The following BABAM2 variants were observed in gnomAD, a reference collection of about 807,000 sequenced individuals.
BABAM2 encodes the protein BRISC and BRCA1 A complex member 2.
In BABAM2, 31 loss-of-function variants were observed where a neutral mutation model predicts 54.7. The observed-to-expected ratio is 0.57, with a 90% confidence interval of 0.43 to 0.77. The LOEUF is 0.77. BABAM2 is among the 30% of genes least tolerant of loss of function. The pLI, the probability that BABAM2 is intolerant of heterozygous loss-of-function variation, is 0.00. For synonymous variants in BABAM2, 167 were observed against 162.9 expected (o/e 1.03, Z -0.19); for missense variants, 364 against 455.8 (o/e 0.80, Z 1.83).
Position 28,282,781 on chromosome 2 carries a change from C to T in BABAM2, c.935-15557C>T, listed in dbSNP as rs145571584. 3.3e-3 allele frequency among the ~76,000 whole-genome samples: 508 copies of T among 151,998 alleles called. 4 individuals are homozygous for T. Among genetic ancestry groups the T allele is most frequent in the African/African-American group, 0.011 (470 of 41,438 alleles). ...TTGGGAGGCCGAGGTGGGCGAATCA[C>T]GAGGTCAGGAGTTCAAGACCAGCCT... On this transcript the variant is annotated intron_variant, in intron 10 of 11. Coordinates refer to ENST00000379624, the MANE Select transcript of BABAM2 (RefSeq NM_199191.3).
chr2:28,188,731 A>G (rs900028986), intron 7 of BABAM2, among the ~76,000 whole-genome samples: 7 of 152,170 alleles, frequency 4.6e-5, no homozygotes, highest in African/African-American at 1.7e-4. Flanking sequence ...ATGAGCTCCC[A>G]AAGGACAAGG....
chr2:28,012,576 A>G (rs1674472793), intron 4 of BABAM2, among the ~76,000 whole-genome samples: 1 of 152,204 alleles, frequency 6.6e-6, no homozygotes, highest in Non-Finnish European at 1.5e-5. Flanking sequence ...TTGTGAGGAT[A>G]AAGACAACAC....
At chr2:28,308,636 A>G (rs1688774480) in intron 11 of BABAM2, 2 of 341,630 alleles carry the variant, frequency 5.9e-6, no homozygotes, top group Non-Finnish European at 1.1e-5. Flanking sequence ...ATTTAAAACC[A>G]AAACAAAAGC....
At chr2:28,289,600 C>A (rs1687107960) in intron 10 of BABAM2, among the ~76,000 whole-genome samples, 1 of 152,100 alleles carries the variant, frequency 6.6e-6, no homozygotes, top group Non-Finnish European at 1.5e-5. Context: ...ACCAGCCTGG[C>A]CAACATGGTG....
intron 10 of BABAM2, among the ~76,000 whole-genome samples, chr2:28,281,607 T>C (rs139481276): frequency 6.6e-6 from 1 of 152,274 alleles, no homozygotes; most frequent in African/African-American, 2.4e-5. Context: ...AATCTGATGG[T>C]GAATGGGGAG....
At chr2:28,011,831 A>AG (rs1462936213) in intron 4 of BABAM2, among the ~76,000 whole-genome samples, 3 of 151,634 alleles carry the variant, frequency 2.0e-5, no homozygotes, top group Non-Finnish European at 4.4e-5. Context: ...TGAGACAGGA[A>AG]AATGTTACTA....
chr2:28,008,715 TC>T (rs769334116), intron 4 of BABAM2, among the ~76,000 whole-genome samples: 10 of 152,030 alleles, frequency 6.6e-5, no homozygotes, highest in Non-Finnish European at 1.2e-4. Flanking sequence ...TTTGGCACTT[TC>T]CCCCCAGGGC....
chr2:27,889,993 G>C (rs1294877895), upstream of BABAM2: 1 of 371,368 alleles, frequency 2.7e-6, no homozygotes. Flanking sequence ...TTGGAGGGCA[G>C]GTCTTTGGGG....
At chr2:28,035,011 T>C (rs1558675380) in intron 5 of BABAM2, among the ~76,000 whole-genome samples, 1 of 152,280 alleles carries the variant, frequency 6.6e-6, no homozygotes, top group East Asian at 1.9e-4. Flanking sequence ...GAAATGTGGC[T>C]AGTCTGAACT....
intron 2 of BABAM2, among the ~76,000 whole-genome samples, chr2:27,909,972 C>A (rs1355514857): frequency 1.3e-5 from 2 of 152,092 alleles, no homozygotes; most frequent in African/African-American, 2.4e-5. Flanking sequence ...TGCATATAAT[C>A]CTTCTAATAA....
chr2:27,930,986 G>C (rs1280216038), intron 3 of BABAM2, among the ~76,000 whole-genome samples: 1 of 152,190 alleles, frequency 6.6e-6, no homozygotes, highest in African/African-American at 2.4e-5. Context: ...CATTGGACCA[G>C]TGTGTTTTAC....
At chr2:28,114,678 G>A (rs1668454991) in intron 6 of BABAM2, among the ~76,000 whole-genome samples, 1 of 152,132 alleles carries the variant, frequency 6.6e-6, no homozygotes, top group Non-Finnish European at 1.5e-5. Context: ...GAAGTTTATT[G>A]GCTCTAGTTT....
chr2:28,109,378 C>T (rs1364131487), intron 6 of BABAM2, among the ~76,000 whole-genome samples: 1 of 151,834 alleles, frequency 6.6e-6, no homozygotes, highest in Non-Finnish European at 1.5e-5. Context: ...TTAGTAGAGA[C>T]AGGGTTTCAC....
chr2:27,933,491 G>GTA (rs1447887920), intron 3 of BABAM2, among the ~76,000 whole-genome samples: 1 of 151,206 alleles, frequency 6.6e-6, no homozygotes, highest in East Asian at 1.9e-4. Flanking sequence ...ATGTATATAT[G>GTA]TATATATATA....
At chr2:28,331,454 G>T (rs1377810590) in intron 11 of BABAM2, among the ~76,000 whole-genome samples, 1 of 151,416 alleles carries the variant, frequency 6.6e-6, no homozygotes, top group Non-Finnish European at 1.5e-5. Flanking sequence ...AATCTACAAG[G>T]AACTTAAACA....
chr2:28,009,469 A>G (rs1674234447), intron 4 of BABAM2, among the ~76,000 whole-genome samples: 1 of 152,172 alleles, frequency 6.6e-6, no homozygotes, highest in South Asian at 2.1e-4. Flanking sequence ...AGTCTGTTTG[A>G]CGATGAGTTG....
At chr2:28,267,188 A>G (rs944167503) in intron 10 of BABAM2, among the ~76,000 whole-genome samples, 1 of 152,176 alleles carries the variant, frequency 6.6e-6, no homozygotes, top group Admixed American at 6.5e-5. Flanking sequence ...AAGAAAGAAT[A>G]CAAAGATCCT....
intron 10 of BABAM2, among the ~76,000 whole-genome samples, chr2:28,296,408 C>T (rs1395020907): frequency 2.6e-5 from 4 of 152,188 alleles, no homozygotes; most frequent in East Asian, 1.9e-4. Flanking sequence ...CATTCAAAAT[C>T]GTGCCCTTTT....
intron 3 of BABAM2, among the ~76,000 whole-genome samples, chr2:27,980,690 T>G (rs200538135): frequency 6.6e-6 from 1 of 152,208 alleles, no homozygotes; most frequent in East Asian, 1.9e-4. Flanking sequence ...TTTTATTACA[T>G]GTAATGTAGT....
Sources: allele counts gnomAD v4.1 joint callset (sites outside exome capture counted in the v4.1 genomes callset), GRCh38; gene constraint gnomAD v4.1.1; transcripts MANE v1.5; gene names NCBI Gene and HGNC (gene_info 2026-07-23, HGNC 2026-07-21).